ANXA4: variants seen among roughly 807,000 people sequenced by gnomAD.
The protein encoded by ANXA4 is 35-beta calcimedin.
In ANXA4, 39 loss-of-function variants were observed where a neutral mutation model predicts 49.8. The observed-to-expected ratio is 0.78, with a 90% CI of 0.61 to 1.02. The LOEUF (loss-of-function observed/expected upper bound fraction) is 1.02, where lower values mean the gene tolerates loss of function less well. ANXA4 is among the 50% of genes least tolerant of loss of function. The pLI is 0.00. For missense variants in ANXA4, 360 were observed against 410.1 expected (o/e 0.88, Z 1.05); for synonymous variants, 134 against 152.5 (o/e 0.88, Z 0.89).
intron 3 of ANXA4, among the ~76,000 whole-genome samples, chr2:69,800,999 G>A (rs1673169996): frequency 6.6e-6 from 1 of 152,026 alleles, no homozygotes; most frequent in Non-Finnish European, 1.5e-5. Flanking sequence ...TGGGGGTTGG[G>A]GGGCTGATGT....
chr2:69,784,212 G>T (rs1402751609), intron 2 of ANXA4, among the ~76,000 whole-genome samples: 2 of 152,126 alleles, frequency 1.3e-5, no homozygotes, highest in Non-Finnish European at 2.9e-5. Flanking sequence ...AATCAATATG[G>T]ATATTTATCA....
At chr2:69,796,351 C>A (rs2103762126) in intron 3 of ANXA4, among the ~76,000 whole-genome samples, 1 of 152,306 alleles carries the variant, frequency 6.6e-6, no homozygotes, top group South Asian at 2.1e-4. Flanking sequence ...CCTGGGGCTC[C>A]TCCCAGTCCC....
In ANXA4 at chr2:69,825,641, CTAGAA is replaced by C. The variant is rs1399404775; in HGVS notation, c.*129_*133del. The C allele has an allele frequency of 3.1e-6, 2 of 650,420 alleles. No homozygotes were observed. The highest frequency in any genetic ancestry group is 2.6e-6 in the Non-Finnish European group (1 of 379,708). 40.3% of individuals were successfully genotyped at this position (650,420 alleles called of 1,614,324 possible). Reference sequence around the variant, plus strand: ...CAATTAAAACGCCTACAGCTGCCTCCTAGAATATAGACTGTCTGTATTATTATTCA... The same window carrying C: ...CAATTAAAACGCCTACAGCTGCCTCCTATAGACTGTCTGTATTATTATTCA... On this transcript the variant is annotated 3_prime_UTR_variant, in exon 13 of 13. Coordinates refer to ENST00000394295, the MANE Select transcript of ANXA4 (RefSeq NM_001153.5).
chr2:69,721,589 T>C (rs1669812470), intron 3 of ANXA4, among the ~76,000 whole-genome samples: 1 of 152,032 alleles, frequency 6.6e-6, no homozygotes, highest in Non-Finnish European at 1.5e-5. Context: ...TAGTCCCATA[T>C]ACTTGGGAGG....
chr2:69,789,203 C>G (rs1672560436), intron 3 of ANXA4, among the ~76,000 whole-genome samples: 1 of 152,158 alleles, frequency 6.6e-6, no homozygotes, highest in Admixed American at 6.5e-5. Flanking sequence ...GTGAAAGCAG[C>G]TATTCCTATT....
chr2:69,676,006 C>CAAA (rs558159796), intron 2 of ANXA4, among the ~76,000 whole-genome samples: 1 of 99,046 alleles, frequency 1.0e-5, no homozygotes. Flanking sequence ...GACTCTGTCT[C>CAAA]AAAAAAAAAA....
intron 2 of ANXA4, among the ~76,000 whole-genome samples, chr2:69,714,139 C>G (rs1021229942): frequency 6.6e-5 from 10 of 152,198 alleles, no homozygotes; most frequent in African/African-American, 2.4e-4. Context: ...CCTGACCTCC[C>G]TACTGGGAGG....
chr2:69,666,881 A>G (rs1676958111), intron 2 of ANXA4, among the ~76,000 whole-genome samples: 1 of 152,146 alleles, frequency 6.6e-6, no homozygotes, highest in Non-Finnish European at 1.5e-5. Flanking sequence ...TCCTGCCTCT[A>G]CTAAAAATAC....
At chr2:69,757,979 A>T (rs1482124450) in intron 1 of ANXA4, among the ~76,000 whole-genome samples, 1 of 139,698 alleles carries the variant, frequency 7.2e-6, no homozygotes, top group African/African-American at 2.7e-5. Context: ...AAAAAAAAAA[A>T]GTACTGTCCA....
chr2:69,667,165 G>C (rs1469567537), intron 2 of ANXA4, among the ~76,000 whole-genome samples: 1 of 152,094 alleles, frequency 6.6e-6, no homozygotes, highest in Non-Finnish European at 1.5e-5. Flanking sequence ...AGGAGGCAGA[G>C]AGGGTGGGAA....
intron 1 of ANXA4, among the ~76,000 whole-genome samples, chr2:69,651,591 C>T (rs904796178): frequency 8.1e-5 from 12 of 149,052 alleles, no homozygotes; most frequent in Non-Finnish European, 1.3e-4. Context: ...CAAGCTCCGC[C>T]TCCCGGGTTC....
chr2:69,743,538 T>C (rs1436740718), intron 1 of ANXA4, among the ~76,000 whole-genome samples: 1 of 152,100 alleles, frequency 6.6e-6, no homozygotes, highest in Admixed American at 6.5e-5. Context: ...AGGTTTTTAG[T>C]TGCCAGGGAA....
intron 2 of ANXA4, among the ~76,000 whole-genome samples, chr2:69,671,698 G>A (rs1239510346): frequency 6.6e-6 from 1 of 152,172 alleles, no homozygotes; most frequent in Non-Finnish European, 1.5e-5. Flanking sequence ...ACTCCTGCCT[G>A]GGCGATATAA....
rs952124052 is a variant in ANXA4 at position 69,674,471 on chromosome 2, G to A, written n.766+21189G>A. 5.3e-5 allele frequency: 8 copies of A among 152,072 alleles called. No individual in the cohort carries two copies. The East Asian group carries it at 1.3e-3, about 26-fold the overall frequency. 9.4% of individuals were successfully genotyped at this position (152,072 alleles called of 1,614,324 possible). On this transcript the variant is annotated intron_variant and non_coding_transcript_variant, in intron 2 of 3. Coordinates refer to the ANXA4 transcript ENST00000418066. ...CTCAGAGTTTTCTATTTTTATTCCT[G>A]TGTGTAATCAATGGGAACACACTGT...
intron 2 of ANXA4, among the ~76,000 whole-genome samples, chr2:69,696,626 A>G (rs906125920): frequency 1.1e-4 from 16 of 152,238 alleles, no homozygotes; most frequent in African/African-American, 3.6e-4. Context: ...ATCACTATCT[A>G]TGGCAGCTAC....
Position 69,744,571 on chromosome 2 carries a change from A to G in ANXA4, c.-47+2396A>G, listed in dbSNP as rs929409200. Among the ~76,000 whole-genome samples, 22 of 152,312 alleles carry G rather than the reference A, an allele frequency of 1.4e-4. No homozygotes were observed. In the East Asian group the frequency reaches 3.3e-3, roughly 23 times the overall value. ...TGCAATTAGGGCTACTTATGGAGGCAGTTTGATAGACACTGCAGTGTCCTC... is the reference window on the plus strand; with the variant it reads ...TGCAATTAGGGCTACTTATGGAGGCGGTTTGATAGACACTGCAGTGTCCTC... On this transcript the variant is annotated intron_variant, in intron 1 of 12. Transcript: ENST00000394295.
At chr2:69,727,555 A>G (rs1669995486) in intron 3 of ANXA4, among the ~76,000 whole-genome samples, 1 of 152,134 alleles carries the variant, frequency 6.6e-6, no homozygotes, top group African/African-American at 2.4e-5. Context: ...ATTCTGTTTT[A>G]TAAAGTGCTG....
intron 1 of ANXA4, among the ~76,000 whole-genome samples, chr2:69,757,218 C>T (rs1450769192): frequency 2.2e-5 from 3 of 138,684 alleles, no homozygotes; most frequent in Admixed American, 7.4e-5. Context: ...TGTGAGCCAC[C>T]GTGCCCAGCC....
At chr2:69,644,165 T>TTCGCGCCCCCC (rs1553424953), upstream of ANXA4, among the ~76,000 whole-genome samples, 3 of 21,112 alleles carry the variant, frequency 1.4e-4, 1 homozygote, top group African/African-American at 5.1e-4. Flanking sequence ...ACAACTAAGT[T>TTCGCGCCCCCC]CCCCCCCCCC....
Sources: gnomAD v4.1 joint callset for allele counts (sites outside exome capture counted in the v4.1 genomes callset) on GRCh38, gnomAD v4.1.1 for gene constraint, MANE v1.5 for transcripts, NCBI Gene and HGNC (gene_info 2026-07-23, HGNC 2026-07-21) for gene names.